The following FLT4 variants were observed in gnomAD, a reference collection of about 807,000 sequenced individuals.
The protein encoded by FLT4 is fms related receptor tyrosine kinase 4.
In FLT4, 30 loss-of-function variants were observed where a neutral mutation model predicts 163.2. That is an observed-to-expected ratio of 0.18 (90% CI 0.14 to 0.25). The LOEUF (loss-of-function observed/expected upper bound fraction) is 0.25, where lower values mean the gene tolerates loss of function less well. Among genes scored for constraint, FLT4 ranks in the 10% least tolerant of loss-of-function variants. The pLI, the probability that FLT4 is intolerant of heterozygous loss-of-function variation, is 1.00. For missense variants in FLT4, 1,510 were observed against 1,863.8 expected, an observed-to-expected ratio of 0.81 and a Z score of 3.50; for synonymous variants, 884 against 789.5, an observed-to-expected ratio of 1.12 and a Z score of -2.01.
rs2127813106 is a variant in FLT4 at position 180,620,870 on chromosome 5, C to A, written c.2299+6G>T. On this transcript the variant is annotated splice_donor_region_variant and intron_variant, in intron 15 of 29. Transcript: ENST00000261937. The surrounding 1 kb of genome is among the most constrained non-coding windows in gnomAD (Gnocchi z 4.4). ...GGGAGTTGAGGGGTGCAGCCTGAGG[C>A]CAGACCTTCCACGGCCACGCTGGCG... The A allele has an allele frequency of 6.2e-7, 1 of 1,609,614 alleles. No homozygotes were observed. The highest frequency in any genetic ancestry group is 8.5e-7 in the Non-Finnish European group (1 of 1,178,772).
At chr5:180,649,131 G>A (rs1401680880) in intron 1 of FLT4, among the ~76,000 whole-genome samples, 2 of 151,702 alleles carry the variant, frequency 1.3e-5, no homozygotes, top group Admixed American at 1.3e-4. Flanking sequence ...GGGACCCCGC[G>A]GGGAAGCGAG....
At position 180,622,715 on chromosome 5, in the gene FLT4, TG is replaced by T; in HGVS notation, c.1657+15del. ...ACCCTGTACCCAGGCCTCCCCGCCCTGGTCTGGTCACTCACTGGTCACATAG... is the reference window on the plus strand; with the variant it reads ...ACCCTGTACCCAGGCCTCCCCGCCCTGTCTGGTCACTCACTGGTCACATAG... On this transcript the variant is annotated intron_variant, in intron 12 of 29. Coordinates refer to ENST00000261937, the MANE Select transcript of FLT4 (RefSeq NM_182925.5). The T allele has an allele frequency of 6.5e-7, 1 of 1,549,220 alleles. No individual in the cohort carries two copies. The highest frequency in any genetic ancestry group is 8.9e-7 in the Non-Finnish European group (1 of 1,121,854).
intron 1 of FLT4, among the ~76,000 whole-genome samples, chr5:180,642,439 C>T (rs544641978): frequency 6.6e-5 from 10 of 152,158 alleles, no homozygotes; most frequent in South Asian, 6.2e-4. Context: ...GCCAGAGTGC[C>T]GGTGACTTTG....
At chr5:180,644,085 G>A (rs1765341535) in intron 1 of FLT4, among the ~76,000 whole-genome samples, 1 of 152,190 alleles carries the variant, frequency 6.6e-6, no homozygotes, top group African/African-American at 2.4e-5. Context: ...CCGAAGTGCT[G>A]GGATTACAGG....
At chr5:180,608,109 G>C in intron 29 of FLT4, 1 of 700,460 alleles carries the variant, frequency 1.4e-6, no homozygotes, top group South Asian at 1.5e-5. Flanking sequence ...TGGTGCTTCA[G>C]TGGTCACACT....
chr5:180,642,271 G>C (rs1271214905), intron 1 of FLT4, among the ~76,000 whole-genome samples: 1 of 151,720 alleles, frequency 6.6e-6, no homozygotes, highest in Non-Finnish European at 1.5e-5. Flanking sequence ...GCTCTCACCT[G>C]CCTCCTGAAT....
chr5:180,616,663 G>C (rs1762716402), intron 22 of FLT4, among the ~76,000 whole-genome samples, 174 bp from the exon 23 acceptor site: 1 of 152,206 alleles, frequency 6.6e-6, no homozygotes, highest in African/African-American at 2.4e-5. Context: ...GAGAGAGCTT[G>C]TGGAATTGTG....
chr5:180,612,234 G>A (rs1238529418), intron 26 of FLT4, among the ~76,000 whole-genome samples: 1 of 152,160 alleles, frequency 6.6e-6, no homozygotes, highest in Admixed American at 6.5e-5. Flanking sequence ...AGGCCGGGGG[G>A]GACCAGCCTA....
intron 11 of FLT4, 43 bp from the exon 12 acceptor site, chr5:180,622,882 C>T (rs747770499): frequency 3.7e-6 from 5 of 1,353,738 alleles, no homozygotes; most frequent in African/African-American, 1.4e-5. Context: ...TGCCCAAGTT[C>T]TCCCAACCTG....
intron 1 of FLT4, among the ~76,000 whole-genome samples, chr5:180,633,191 G>A (rs1258995682): frequency 6.6e-6 from 1 of 152,190 alleles, no homozygotes; most frequent in East Asian, 1.9e-4. Flanking sequence ...CACGGGCAAT[G>A]TGGTCACCGG....
At position 180,630,482 on chromosome 5, in the gene FLT4, C is replaced by T. The variant is rs1393727526; in HGVS notation, c.400+73G>A. On this transcript the variant is annotated intron_variant, in intron 3 of 29. Transcript: ENST00000261937. The surrounding 1 kb of genome is among the most constrained non-coding windows in gnomAD (Gnocchi z 6.3). ...TTCTCTCCTCCTGCCAGCCCAGGGT[C>T]CACAGGCTGGGGGCGGTGTGGGCCC... 5 of 1,602,766 alleles carry T rather than the reference C, an allele frequency of 3.1e-6. No homozygotes were observed. Among genetic ancestry groups the T allele is most frequent in the East Asian group, 2.2e-5 (1 of 44,526 alleles).
rs532374768 is a variant in FLT4, at chr5:180,628,733, G to A, written c.1103+149C>T. On this transcript the variant is annotated intron_variant, in intron 8 of 29. Transcript: ENST00000261937. ...ATATCACATTATGGGCGGGTTCCTT[G>A]GGGGGTCTCCTGAGAGAGGCCCCCG... 17 of 648,906 alleles carry A rather than the reference G, an allele frequency of 2.6e-5. No individual in the cohort carries two copies. The South Asian group carries it at 2.7e-4, about 10-fold the overall frequency. 40.2% of individuals were successfully genotyped at this position (648,906 alleles called of 1,614,324 possible).
At chr5:180,612,915 G>A in intron 25 of FLT4, 96 bp downstream of exon 25, 1 of 902,420 alleles carries the variant, frequency 1.1e-6, no homozygotes, top group Non-Finnish European at 1.8e-6. Context: ...TGTCCTACTG[G>A]CCCTGGCTTC....
chr5:180,631,600 G>A (rs1764168656), intron 2 of FLT4, 82 bp downstream of exon 2: 2 of 1,126,058 alleles, frequency 1.8e-6, no homozygotes, highest in Non-Finnish European at 2.7e-6. Flanking sequence ...GGAGGGGGCT[G>A]CCATCTGGGC....
intron 1 of FLT4, among the ~76,000 whole-genome samples, chr5:180,633,899 A>G (rs1229914853): frequency 1.3e-5 from 2 of 152,112 alleles, no homozygotes; most frequent in Admixed American, 6.5e-5. Context: ...GAGAGAGAAC[A>G]TCCCGCCACC....
At chr5:180,607,170 C>T (rs1318979131) in intron 29 of FLT4, among the ~76,000 whole-genome samples, 3 of 152,198 alleles carry the variant, frequency 2.0e-5, no homozygotes, top group African/African-American at 7.2e-5. Flanking sequence ...TTTCAACATT[C>T]AAAATGGCCA....
At position 180,620,284 on chromosome 5, in the gene FLT4, C is replaced by T; in HGVS notation, c.2431G>A (p.Gly811Ser). 1 of 1,612,070 alleles carries T rather than the reference C, an allele frequency of 6.2e-7. No individual in the cohort carries two copies. The highest frequency in any genetic ancestry group is 1.1e-5 in the South Asian group (1 of 91,074). The change falls in exon 17 of 30, where the codon GGC becomes AGC. Residue 811 changes from glycine to serine, a missense_variant. Transcript: ENST00000261937. The surrounding 1 kb of genome is among the most constrained non-coding windows in gnomAD (Gnocchi z 4.4). ...GGGTCCATGATGATGGACAGGTAGCCCGTCTTGATGTCTGCGTGGGCCGGC... is the reference window on the plus strand; with the variant it reads ...GGGTCCATGATGATGGACAGGTAGCTCGTCTTGATGTCTGCGTGGGCCGGC... The part of the protein sequence containing the change: ...RRPAHADIKT[G>S]YLSIIMDPGE...
intron 29 of FLT4, among the ~76,000 whole-genome samples, chr5:180,604,605 TA>T (rs1761692785): frequency 1.3e-5 from 2 of 152,184 alleles, no homozygotes; most frequent in Non-Finnish European, 2.9e-5. Flanking sequence ...CGCCTTGACC[TA>T]GGGGGTGGTT....
intron 6 of FLT4, 121 bp downstream of exon 6, chr5:180,629,575 C>CA: frequency 6.8e-7 from 1 of 1,460,274 alleles, no homozygotes; most frequent in Non-Finnish European, 9.4e-7. Context: ...ACTTGCCACT[C>CA]AGACCGGGGC....
Sources: gnomAD v4.1 joint callset for allele counts (sites outside exome capture counted in the v4.1 genomes callset) on GRCh38, gnomAD v4.1.1 for gene constraint, Gnocchi (gnomAD v3.1) non-coding constraint, MANE v1.5 for transcripts, NCBI Gene and HGNC (gene_info 2026-07-23, HGNC 2026-07-21) for gene names.